PERP: variants seen among roughly 807,000 people sequenced by gnomAD.
PERP encodes the protein p53 apoptosis effector related to PMP-22.
Under a neutral mutation model 20.3 loss-of-function variants are expected in PERP, and 11 were observed. That is an observed-to-expected ratio of 0.54 (90% CI 0.34 to 0.90). The LOEUF is 0.90. PERP is among the 40% of genes least tolerant of loss of function. The pLI, the probability that PERP is intolerant of heterozygous loss-of-function variation, is 0.02. For synonymous variants in PERP, 101 were observed against 102.0 expected (o/e 0.99, Z 0.06); for missense variants, 224 against 249.4 (o/e 0.90, Z 0.69).
intron 2 of PERP, among the ~76,000 whole-genome samples, chr6:138,094,460 C>G (rs936690950): frequency 1.3e-5 from 2 of 152,124 alleles, no homozygotes; most frequent in African/African-American, 4.8e-5. Flanking sequence ...TAGCATATAT[C>G]AAAATTTCAT....
intron 1 of PERP, among the ~76,000 whole-genome samples, chr6:138,105,340 T>C (rs1775826457): frequency 1.3e-5 from 2 of 152,224 alleles, no homozygotes; most frequent in South Asian, 2.1e-4. Flanking sequence ...GTTAGTGTTT[T>C]CTTTACAATG....
chr6:138,093,878 C>T (rs1775629134), intron 2 of PERP, among the ~76,000 whole-genome samples: 1 of 151,204 alleles, frequency 6.6e-6, no homozygotes, highest in East Asian at 1.9e-4. Flanking sequence ...TTTTATTCTT[C>T]TAAATACATT....
chr6:138,089,855 G>A lies in PERP; in HGVS notation c.*2187C>T, dbSNP rs1278422654. ...TATTATATCAGGCTCGTTGGTCCCAGGAGGTTGCATTTTTCCTAAATGTGC... is the reference window on the plus strand; with the variant it reads ...TATTATATCAGGCTCGTTGGTCCCAAGAGGTTGCATTTTTCCTAAATGTGC... On this transcript the variant is annotated 3_prime_UTR_variant, in exon 3 of 3. Transcript: ENST00000421351. 7.9e-5 allele frequency: 12 copies of A among 152,212 alleles called. No homozygotes were observed. The highest frequency in any genetic ancestry group is 7.9e-4 in the Admixed American group (12 of 15,276). The allele number at this position is 152,212 out of a possible 1,614,324, so 9.4% of individuals were successfully genotyped here.
intron 1 of PERP, among the ~76,000 whole-genome samples, chr6:138,105,659 C>CTT (rs1775830344): frequency 6.6e-6 from 1 of 152,184 alleles, no homozygotes; most frequent in East Asian, 1.9e-4. Context: ...TGGAGGATTA[C>CTT]TGCATATACT....
intron 1 of PERP, among the ~76,000 whole-genome samples, chr6:138,101,016 C>T (rs1775762881): frequency 6.6e-6 from 1 of 152,014 alleles, no homozygotes; most frequent in African/African-American, 2.4e-5. Context: ...CAAAATGTTA[C>T]AAGGCTAGTA....
At chr6:138,100,827 T>A (rs1775760184) in intron 1 of PERP, among the ~76,000 whole-genome samples, 1 of 152,166 alleles carries the variant, frequency 6.6e-6, no homozygotes, top group African/African-American at 2.4e-5. Flanking sequence ...GTGATATTCA[T>A]TAGATGAACA....
rs373175098 is a variant in PERP at position 138,107,361 on chromosome 6, C to CGAGCGGAGCGGAGCGGAGCG, written c.-41_-22dup. ...ATCATGTTGACGGGCGGCGCGGGGCCGAGCGGAGCGGAGCGGAGCGGGTCG... is the reference window on the plus strand; with the variant it reads ...ATCATGTTGACGGGCGGCGCGGGGCCGAGCGGAGCGGAGCGGAGCGGAGCGGAGCGGAGCGGAGCGGGTCG... On this transcript the variant is annotated 5_prime_UTR_variant, in exon 1 of 3. Coordinates refer to ENST00000421351, the MANE Select transcript of PERP (RefSeq NM_022121.5). This position sits in a 1 kb window ranked among gnomAD's most constrained non-coding sequence, Gnocchi z 4.8. 1.3e-6 allele frequency: 2 copies of CGAGCGGAGCGGAGCGGAGCG among 1,564,144 alleles called. No individual in the cohort carries two copies. Among genetic ancestry groups the CGAGCGGAGCGGAGCGGAGCG allele is most frequent in the African/African-American group, 1.4e-5 (1 of 72,602 alleles).
At chr6:138,096,608 T>C (rs1046068915) in intron 1 of PERP, 114 bp from the exon 2 acceptor site, 103 of 1,186,106 alleles carry the variant, frequency 8.7e-5, no homozygotes, top group Middle Eastern at 4.1e-4. Context: ...TACATTTGGA[T>C]GGAGGGACAG....
rs775261414 is a variant in PERP at position 138,107,348 on chromosome 6, G to GGCGGCGCGGGGCCGAGCGGAGCGGA, written c.-33_-9dup. On this transcript the variant is annotated 5_prime_UTR_variant, in exon 1 of 3. Transcript: ENST00000421351. The surrounding 1 kb of genome is among the most constrained non-coding windows in gnomAD (Gnocchi z 4.8). The stretch of plus-strand genomic sequence containing the variant: ...CAGGCCGCAGCGGATCATGTTGACG[G>GGCGGCGCGGGGCCGAGCGGAGCGGA]GCGGCGCGGGGCCGAGCGGAGCGGA... 1.3e-5 allele frequency: 21 copies of GGCGGCGCGGGGCCGAGCGGAGCGGA among 1,582,908 alleles called. No individual in the cohort carries two copies. In the African/African-American group the frequency reaches 2.6e-4, roughly 19 times the overall value.
chr6:138,101,924 G>T (rs1775780087), intron 1 of PERP, among the ~76,000 whole-genome samples: 2 of 152,136 alleles, frequency 1.3e-5, no homozygotes, highest in African/African-American at 4.8e-5. Context: ...CCGATCCTTA[G>T]GCCAGCATGA....
intron 1 of PERP, among the ~76,000 whole-genome samples, chr6:138,103,962 C>A (rs938258603): frequency 2.0e-5 from 3 of 152,248 alleles, no homozygotes; most frequent in Admixed American, 6.5e-5. Context: ...CAACAAAAAA[C>A]CGGAGGCTTT....
At chr6:138,104,447 T>C (rs1278534630) in intron 1 of PERP, among the ~76,000 whole-genome samples, 1 of 152,196 alleles carries the variant, frequency 6.6e-6, no homozygotes, top group Non-Finnish European at 1.5e-5. Context: ...CAGTGAAAAA[T>C]ATAATATTCT....
intron 1 of PERP, among the ~76,000 whole-genome samples, chr6:138,101,526 A>C (rs1247879163): frequency 6.6e-6 from 1 of 152,232 alleles, no homozygotes; most frequent in Non-Finnish European, 1.5e-5. Context: ...CCTCCTCTTC[A>C]TGAATCTGCT....
In PERP at chr6:138,107,331, A is replaced by C; in HGVS notation, c.10T>G (p.Cys4Gly). Reference sequence around the variant, plus strand: ...CGGCAGCGCTCGCAGGCCAGGCCGCAGCGGATCATGTTGACGGGCGGCGCG... The same window carrying C: ...CGGCAGCGCTCGCAGGCCAGGCCGCCGCGGATCATGTTGACGGGCGGCGCG... MIR[C>G]GLACERCRWI... Residue 4 changes from cysteine (C) to glycine (G), a missense_variant, in exon 1 of 3, where the codon TGC becomes GGC. By Grantham distance (159) the Cys-to-Gly change is radical. Coordinates refer to ENST00000421351, the MANE Select transcript of PERP (RefSeq NM_022121.5). The surrounding 1 kb of genome is among the most constrained non-coding windows in gnomAD (Gnocchi z 4.8). The C allele has an allele frequency of 6.3e-7, 1 of 1,597,336 alleles. No homozygotes were observed. The highest frequency in any genetic ancestry group is 1.1e-5 in the South Asian group (1 of 89,920).
intron 1 of PERP, among the ~76,000 whole-genome samples, chr6:138,102,514 T>C (rs1277062821): frequency 6.6e-6 from 1 of 152,128 alleles, no homozygotes; most frequent in African/African-American, 2.4e-5. Flanking sequence ...GGTGAAAGCT[T>C]GAATCTGGTG....
rs1382099808 is a variant in PERP at position 138,090,739 on chromosome 6, C to A, written c.*1303G>T. 6.6e-6 allele frequency: 1 copy of A among 151,520 alleles called. No individual in the cohort carries two copies. The highest frequency in any genetic ancestry group is 2.4e-5 in the African/African-American group (1 of 41,144). The allele number at this position is 151,520 out of a possible 1,614,324, so 9.4% of individuals were successfully genotyped here. ...CTTATTACCCATTTTTTTTTTAATT[C>A]CTTTCCCCAGATTTGAAAAATGGAA... is the stretch of plus-strand genomic sequence containing the variant. On this transcript the variant is annotated 3_prime_UTR_variant, in exon 3 of 3. Transcript: ENST00000421351.
In PERP at chr6:138,090,409, C is replaced by T. The variant is rs1230941712; in HGVS notation, c.*1633G>A. The T allele has an allele frequency of 2.0e-5, 3 of 152,190 alleles. No homozygotes were observed. In the South Asian group the frequency reaches 6.2e-4, roughly 32 times the overall value. 9.4% of individuals were successfully genotyped at this position (152,190 alleles called of 1,614,324 possible). On this transcript the variant is annotated 3_prime_UTR_variant, in exon 3 of 3. Transcript: ENST00000421351. ...GGGGAAAATAGAGAGACTGCTACCC[C>T]ACCACCTGAATGGAAGGGGACCCCA...
rs892277470 is a variant in PERP at position 138,107,398 on chromosome 6, G to T, written c.-58C>A. 7.3e-6 allele frequency: 10 copies of T among 1,365,978 alleles called. No individual in the cohort carries two copies. The highest frequency in any genetic ancestry group is 9.5e-6 in the Non-Finnish European group (10 of 1,050,864). 84.6% of individuals were successfully genotyped at this position (1,365,978 alleles called of 1,614,324 possible). On this transcript the variant is annotated 5_prime_UTR_variant, in exon 1 of 3. Coordinates refer to ENST00000421351, the MANE Select transcript of PERP (RefSeq NM_022121.5). The surrounding 1 kb of genome is among the most constrained non-coding windows in gnomAD (Gnocchi z 4.8). ...AGCGGAGCGGGTCGGAGGAGCGCGC[G>T]GGACGGGCGACAGCAGAGAGTGGCC...
At chr6:138,095,709 T>C (rs1301996406) in intron 2 of PERP, among the ~76,000 whole-genome samples, 1 of 152,208 alleles carries the variant, frequency 6.6e-6, no homozygotes, top group Non-Finnish European at 1.5e-5. Context: ...GCCACAGACC[T>C]GACTAAAATT....
Sources: allele counts gnomAD v4.1 joint callset (sites outside exome capture counted in the v4.1 genomes callset), GRCh38; gene constraint gnomAD v4.1.1; non-coding constraint Gnocchi (gnomAD v3.1); transcripts MANE v1.5; gene names NCBI Gene and HGNC (gene_info 2026-07-23, HGNC 2026-07-21).